EXOC6B: variants seen among roughly 807,000 people sequenced by gnomAD.
The protein encoded by EXOC6B is exocyst complex component 6B, also known as SEC15 homolog B.
In EXOC6B, 54 loss-of-function variants were observed where a neutral mutation model predicts 113.5. That is an observed-to-expected ratio of 0.48 (90% confidence interval 0.38 to 0.60). The LOEUF (loss-of-function observed/expected upper bound fraction) is 0.60, where lower values mean the gene tolerates loss of function less well. EXOC6B is among the 20% of genes least tolerant of loss of function. The pLI, the probability that EXOC6B is intolerant of heterozygous loss-of-function variation, is 0.00. For synonymous variants in EXOC6B, 357 were observed against 339.0 expected (o/e 1.05, Z -0.58); for missense variants, 797 against 977.5 (o/e 0.82, Z 2.46).
chr2:72,212,694 T>G (rs1680268458), intron 20 of EXOC6B, among the ~76,000 whole-genome samples: 1 of 152,196 alleles, frequency 6.6e-6, no homozygotes, highest in Admixed American at 6.5e-5. Flanking sequence ...AATCAGCCTT[T>G]CAGGAATGTA....
At chr2:72,433,953 G>T (rs1293395611) in intron 18 of EXOC6B, among the ~76,000 whole-genome samples, 1 of 152,172 alleles carries the variant, frequency 6.6e-6, no homozygotes, top group Non-Finnish European at 1.5e-5. Flanking sequence ...GAATAGGAAT[G>T]GTGAGAGAGG....
chr2:72,799,238 T>TAAA (rs1559011691), intron 1 of EXOC6B, among the ~76,000 whole-genome samples: 3 of 43,036 alleles, frequency 7.0e-5, no homozygotes, highest in Admixed American at 3.3e-4. Flanking sequence ...AGACCCTGTC[T>TAAA]CAAAAAAAAA....
chr2:72,650,750 C>T (rs1041712777), intron 6 of EXOC6B, among the ~76,000 whole-genome samples: 1 of 151,788 alleles, frequency 6.6e-6, no homozygotes, highest in Admixed American at 6.6e-5. Context: ...CAATTCCTAT[C>T]AGAATGGCTG....
At chr2:72,205,654 A>G (rs952801596) in intron 20 of EXOC6B, among the ~76,000 whole-genome samples, 1 of 152,174 alleles carries the variant, frequency 6.6e-6, no homozygotes, top group Non-Finnish European at 1.5e-5. Context: ...CATTGTTTCT[A>G]TAGTTGGCAA....
intron 18 of EXOC6B, among the ~76,000 whole-genome samples, chr2:72,405,500 T>A (rs539249233): frequency 2.0e-5 from 3 of 152,188 alleles, no homozygotes; most frequent in Non-Finnish European, 2.9e-5. Context: ...TAGTTGCGGA[T>A]CTCTTGGCAG....
intron 1 of EXOC6B, among the ~76,000 whole-genome samples, chr2:72,798,310 TTC>T (rs1685085403): frequency 6.6e-6 from 1 of 152,078 alleles, no homozygotes; most frequent in Non-Finnish European, 1.5e-5. Flanking sequence ...TTTTTAACAA[TTC>T]TTAAGCTACA....
At chr2:72,631,426 G>GTGTGTGTATATA (rs1290760055) in intron 6 of EXOC6B, among the ~76,000 whole-genome samples, 11 of 28,184 alleles carry the variant, frequency 3.9e-4, no homozygotes, top group African/African-American at 1.0e-3. Flanking sequence ...GTGTGTGTGT[G>GTGTGTGTATATA]TATATATATA....
At position 72,453,791 on chromosome 2, in the gene EXOC6B, C is replaced by T. The variant is rs547273418; in HGVS notation, c.1980+11369G>A. 6.3e-4 allele frequency among the ~76,000 whole-genome samples: 96 copies of T among 152,286 alleles called. 2 individuals are homozygous for T. The highest frequency in any genetic ancestry group is 2.2e-3 in the African/African-American group (93 of 41,558). ...CATCAATAAGAAAGAATGCAAGCCA[C>T]TTCATCTTTTAAACGTATTGTATTA... On this transcript the variant is annotated intron_variant, in intron 18 of 21. Coordinates refer to ENST00000272427, the MANE Select transcript of EXOC6B (RefSeq NM_015189.3).
intron 6 of EXOC6B, among the ~76,000 whole-genome samples, chr2:72,679,128 G>A (rs1005656603): frequency 5.9e-5 from 9 of 151,718 alleles, no homozygotes; most frequent in African/African-American, 2.2e-4. Context: ...TAGTAATGGC[G>A]TGATCTCGGC....
intron 1 of EXOC6B, among the ~76,000 whole-genome samples, chr2:72,774,315 A>C (rs570600008): frequency 6.6e-6 from 1 of 152,328 alleles, no homozygotes; most frequent in East Asian, 1.9e-4. Flanking sequence ...GTAGAACACA[A>C]TAATAAAGAT....
chr2:72,669,096 A>G (rs1675602288), intron 6 of EXOC6B, among the ~76,000 whole-genome samples: 1 of 152,006 alleles, frequency 6.6e-6, no homozygotes, highest in South Asian at 2.1e-4. Context: ...CAAAAAATAT[A>G]TTATTATTTA....
At chr2:72,188,400 T>C (rs1678585489) in intron 20 of EXOC6B, among the ~76,000 whole-genome samples, 1 of 152,216 alleles carries the variant, frequency 6.6e-6, no homozygotes, top group Admixed American at 6.5e-5. Context: ...TCAACCACCA[T>C]GAGCCTATAG....
Position 72,523,638 on chromosome 2 carries a change from G to A in EXOC6B, c.916-8512C>T, listed in dbSNP as rs1462474250. 9.9e-5 allele frequency among the ~76,000 whole-genome samples: 15 copies of A among 152,092 alleles called. No individual in the cohort carries two copies. In the East Asian group the frequency reaches 2.1e-3, roughly 22 times the overall value. ...CTACAAATACAAAAAGAAATCAGCCGGGCGTGGTGGCAGGCGCCTGCAGTC... is the reference window on the plus strand; with the variant it reads ...CTACAAATACAAAAAGAAATCAGCCAGGCGTGGTGGCAGGCGCCTGCAGTC... On this transcript the variant is annotated intron_variant, in intron 8 of 21. Transcript: ENST00000272427.
chr2:72,514,940 AACACACACACACAGACAC>A (rs901136772), intron 9 of EXOC6B, 85 bp downstream of exon 9: 77 of 1,019,590 alleles, frequency 7.6e-5, no homozygotes, highest in Middle Eastern at 2.1e-4. Flanking sequence ...AATGACAGTA[AACACACACACACAGACAC>A]ACACACACAC....
In EXOC6B at chr2:72,512,517, T is replaced by C. The variant is rs901060120; in HGVS notation, c.1167+615A>G. The stretch of plus-strand genomic sequence containing the variant: ...AAAGTGGATTATCACCAAAAATATA[T>C]GCCACATTAAAATATATCAATAGAT... On this transcript the variant is annotated intron_variant, in intron 11 of 21. Coordinates refer to ENST00000272427, the MANE Select transcript of EXOC6B (RefSeq NM_015189.3). Among the ~76,000 whole-genome samples the C allele has an allele frequency of 7.2e-5, 11 of 152,142 alleles. No homozygotes were observed. In the South Asian group the frequency reaches 1.2e-3, roughly 17 times the overall value.
At chr2:72,417,708 C>T (rs1340205680) in intron 18 of EXOC6B, among the ~76,000 whole-genome samples, 1 of 152,098 alleles carries the variant, frequency 6.6e-6, no homozygotes, top group Non-Finnish European at 1.5e-5. Context: ...TATGTTTAGT[C>T]TTTTAATCCT....
intron 17 of EXOC6B, among the ~76,000 whole-genome samples, chr2:72,470,891 A>G (rs1471191174): frequency 6.6e-6 from 1 of 152,080 alleles, no homozygotes; most frequent in Non-Finnish European, 1.5e-5. Flanking sequence ...GTTGGTTCCA[A>G]GTCTTTGCTA....
intron 19 of EXOC6B, among the ~76,000 whole-genome samples, chr2:72,350,284 T>C (rs1406704736): frequency 7.9e-5 from 12 of 152,234 alleles, no homozygotes; most frequent in African/African-American, 2.9e-4. Context: ...TAACATTTTC[T>C]ATATTTTCTA....
chr2:72,560,904 G>C (rs924187729), intron 7 of EXOC6B, among the ~76,000 whole-genome samples: 1 of 151,224 alleles, frequency 6.6e-6, no homozygotes, highest in Non-Finnish European at 1.5e-5. Flanking sequence ...AAAAAATATG[G>C]AGAGATGTGC....
Sources: gnomAD v4.1 joint callset for allele counts (sites outside exome capture counted in the v4.1 genomes callset) on GRCh38, gnomAD v4.1.1 for gene constraint, MANE v1.5 for transcripts, NCBI Gene and HGNC (gene_info 2026-07-23, HGNC 2026-07-21) for gene names.